Variants in MTMR1 observed in about 807,000 individuals in gnomAD.
The protein encoded by MTMR1 is myotubularin related protein 1.
A neutral mutation model predicts 51.6 loss-of-function variants in MTMR1; 17 were observed. That is an observed-to-expected ratio of 0.33 (90% CI 0.23 to 0.49). The LOEUF (loss-of-function observed/expected upper bound fraction) is 0.49. Among genes scored for constraint, MTMR1 ranks in the 20% least tolerant of loss-of-function variants. The pLI is 0.99. For synonymous variants in MTMR1, 201 were observed against 205.6 expected, an observed-to-expected ratio of 0.98 and a Z score of 0.19; for missense variants, 386 against 526.9, an observed-to-expected ratio of 0.73 and a Z score of 2.62.
chrX:150,718,683 A>G lies in MTMR1; in HGVS notation c.335A>G (p.Glu112Gly). 2.5e-6 allele frequency: 3 copies of G among 1,199,068 alleles called. No individual in the cohort carries two copies. The highest frequency in any genetic ancestry group is 3.4e-6 in the Non-Finnish European group (3 of 891,411). The change falls in exon 4 of 16, where the codon GAA becomes GGA. Residue 112 changes from glutamate (E) to glycine (G), a missense_variant. By Grantham distance (98) the Glu-to-Gly change is moderately conservative (BLOSUM62 -2). Transcript: ENST00000445323. ...GAAGAGGCTCCACTTTTCCCAGGAGAATCAATTAAAGCCATTGGTAAGTTT... is the reference window on the plus strand; with the variant it reads ...GAAGAGGCTCCACTTTTCCCAGGAGGATCAATTAAAGCCATTGGTAAGTTT... ...QMEEAPLFPGESIKAIVKDVM... is the reference protein window; with the variant it reads ...QMEEAPLFPGGSIKAIVKDVM...
At chrX:150,747,492 G>A (rs782218175) in intron 13 of MTMR1, among the ~76,000 whole-genome samples, 423 of 111,430 alleles carry the variant, frequency 3.8e-3, no homozygotes, top group Non-Finnish European at 5.9e-3. Flanking sequence ...TTTTATTATA[G>A]ATTACTGTGC....
chrX:150,713,697 A>G (rs2041391684), intron 3 of MTMR1, among the ~76,000 whole-genome samples: 1 of 111,839 alleles, frequency 8.9e-6, no homozygotes, highest in South Asian at 3.7e-4. Context: ...AAAAAGCCCA[A>G]TTTTTAAAGT....
At chrX:150,701,771 G>A (rs1241583700) in intron 2 of MTMR1, among the ~76,000 whole-genome samples, 3 of 112,234 alleles carry the variant, frequency 2.7e-5, no homozygotes, top group Non-Finnish European at 5.6e-5. Flanking sequence ...CTTGAGTCCA[G>A]GAGTTCAAGG....
At chrX:150,738,213 A>G (rs1243965722) in intron 12 of MTMR1, among the ~76,000 whole-genome samples, 3 of 112,572 alleles carry the variant, frequency 2.7e-5, no homozygotes, top group East Asian at 5.6e-4. Context: ...GGTACTTCAT[A>G]TAAGTGGAAT....
chrX:150,726,459 C>G (rs180808299), intron 4 of MTMR1, among the ~76,000 whole-genome samples: 1 of 111,688 alleles, frequency 9.0e-6, no homozygotes, highest in East Asian at 2.8e-4. Flanking sequence ...ACCCAGAATC[C>G]CAGCAATAGA....
chrX:150,752,878 G>A (rs782089502), intron 14 of MTMR1, among the ~76,000 whole-genome samples: 2 of 110,754 alleles, frequency 1.8e-5, no homozygotes, highest in Admixed American at 9.6e-5. Flanking sequence ...CTGGCCTCAA[G>A]TGATGTTCCC....
chrX:150,760,002 G>A (rs781917630), intron 15 of MTMR1, among the ~76,000 whole-genome samples: 6 of 109,650 alleles, frequency 5.5e-5, no homozygotes, highest in Admixed American at 9.6e-5. Flanking sequence ...TGAGCCTCAC[G>A]GGGACCTCAC....
At chrX:150,760,851 C>G (rs182296515) in intron 15 of MTMR1, among the ~76,000 whole-genome samples, 2 of 106,631 alleles carry the variant, frequency 1.9e-5, no homozygotes, top group Non-Finnish European at 3.9e-5. Flanking sequence ...CGCTTGAATT[C>G]GGGAGGCGGA....
At chrX:150,715,801 G>T (rs2041492316) in intron 3 of MTMR1, among the ~76,000 whole-genome samples, 1 of 112,611 alleles carries the variant, frequency 8.9e-6, no homozygotes, top group Non-Finnish European at 1.9e-5. Flanking sequence ...CATTTAAAAG[G>T]CATGTCCCAG....
chrX:150,724,673 C>T (rs1402212186), intron 4 of MTMR1, among the ~76,000 whole-genome samples: 1 of 111,845 alleles, frequency 8.9e-6, no homozygotes, highest in Admixed American at 9.5e-5. Context: ...TTCCTATGTC[C>T]AGAATGGTAC....
intron 12 of MTMR1, among the ~76,000 whole-genome samples, chrX:150,737,919 T>C (rs1211632678): frequency 1.8e-5 from 2 of 110,886 alleles, no homozygotes; most frequent in Non-Finnish European, 3.8e-5. Context: ...ATACAAAAAT[T>C]AGCCAGATGT....
intron 6 of MTMR1, 120 bp from the exon 7 acceptor site, chrX:150,729,989 G>T (rs1483490888): frequency 5.2e-6 from 2 of 381,983 alleles, no homozygotes; most frequent in Non-Finnish European, 4.4e-6. Context: ...GTTGGAGCAG[G>T]ATAAAGTATA....
intron 2 of MTMR1, among the ~76,000 whole-genome samples, chrX:150,704,045 G>A (rs1307307773): frequency 3.6e-5 from 4 of 111,127 alleles, no homozygotes; most frequent in African/African-American, 9.9e-5. Flanking sequence ...CTTATTCTTT[G>A]TACTAAGTAC....
At chrX:150,753,391 G>A (rs1182196562) in intron 14 of MTMR1, among the ~76,000 whole-genome samples, 1 of 112,177 alleles carries the variant, frequency 8.9e-6, no homozygotes, top group East Asian at 2.8e-4. Context: ...TTAACCTATT[G>A]AGGAACTGCC....
intron 15 of MTMR1, among the ~76,000 whole-genome samples, chrX:150,756,231 G>A (rs1419103704): frequency 1.4e-4 from 16 of 111,934 alleles, no homozygotes; most frequent in African/African-American, 3.9e-4. Flanking sequence ...GTAGAAAGGC[G>A]TGTGGAAGAT....
chrX:150,750,675 A>G, intron 13 of MTMR1, 55 bp from the exon 14 acceptor site: 1 of 780,593 alleles, frequency 1.3e-6, no homozygotes. Flanking sequence ...AAAAAGTAAT[A>G]TTACTTTTAG....
At chrX:150,759,509 C>G (rs1322203318) in intron 15 of MTMR1, among the ~76,000 whole-genome samples, 1 of 100,147 alleles carries the variant, frequency 1.0e-5, no homozygotes, top group African/African-American at 3.3e-5. Flanking sequence ...CAGGAGACCC[C>G]CGTACCCCTG....
intron 12 of MTMR1, among the ~76,000 whole-genome samples, chrX:150,739,639 T>G (rs1385479383): frequency 8.9e-6 from 1 of 112,359 alleles, no homozygotes; most frequent in Non-Finnish European, 1.9e-5. Flanking sequence ...TACAGCGCCC[T>G]GCTCCCATCC....
At chrX:150,717,377 AAAAAAGG>A (rs2041571472) in intron 3 of MTMR1, among the ~76,000 whole-genome samples, 1 of 108,345 alleles carries the variant, frequency 9.2e-6, no homozygotes, top group Non-Finnish European at 1.9e-5. Context: ...AAAAAAAAAA[AAAAAAGG>A]AGAAGAAAAA....
Sources: allele counts gnomAD v4.1 joint callset (sites outside exome capture counted in the v4.1 genomes callset), GRCh38; gene constraint gnomAD v4.1.1; transcripts MANE v1.5; gene names NCBI Gene and HGNC (gene_info 2026-07-23, HGNC 2026-07-21).